The following UBR1 variants were observed in gnomAD, a reference collection of about 807,000 sequenced individuals.
The protein encoded by UBR1 is E3 ubiquitin-protein ligase UBR1.
A neutral mutation model predicts 242.1 loss-of-function variants in UBR1; 102 were observed. That is an observed-to-expected ratio of 0.42 (90% CI 0.36 to 0.50). The LOEUF (loss-of-function observed/expected upper bound fraction) is 0.50. Ranked by LOEUF, UBR1 falls within the 20% of genes least tolerant of loss-of-function variation. UBR1 has a pLI of 0.01. For synonymous variants in UBR1, 675 were observed against 684.8 expected, an observed-to-expected ratio of 0.99 and a Z score of 0.22; for missense variants, 1,772 against 2,101.8, an observed-to-expected ratio of 0.84 and a Z score of 3.07.
At chr15:42,985,989 CAAA>C (rs1230190123) in intron 35 of UBR1, among the ~76,000 whole-genome samples, 3 of 47,064 alleles carry the variant, frequency 6.4e-5, no homozygotes, top group Non-Finnish European at 1.3e-4. Flanking sequence ...GACCCTGTCT[CAAA>C]AAAAAAAAAA....
At chr15:43,083,223 ATAGTGGGTAC>A (rs1161983528) in intron 2 of UBR1, among the ~76,000 whole-genome samples, 1 of 152,246 alleles carries the variant, frequency 6.6e-6, no homozygotes, top group Admixed American at 6.5e-5. Flanking sequence ...TGCCTGGCAT[ATAGTGGGTAC>A]TTAATATTCA....
At chr15:42,986,691 A>G (rs2032464845) in intron 35 of UBR1, among the ~76,000 whole-genome samples, 1 of 152,224 alleles carries the variant, frequency 6.6e-6, no homozygotes, top group Admixed American at 6.5e-5. Flanking sequence ...CCATGATTTA[A>G]GTCTAACAGG....
chr15:43,047,083 G>C, intron 14 of UBR1, 78 bp downstream of exon 14: 2 of 1,526,176 alleles, frequency 1.3e-6, no homozygotes, highest in Non-Finnish European at 1.8e-6. Context: ...CATCAAGGAA[G>C]CTGCAACATA....
intron 29 of UBR1, among the ~76,000 whole-genome samples, chr15:43,014,787 TG>T (rs746375062): frequency 0.04 from 5,301 of 131,846 alleles, 115 homozygotes; most frequent in East Asian, 0.18. Context: ...GGGAGGGAGG[TG>T]GGGGGTCAGC....
chr15:43,037,713 A>G, intron 17 of UBR1, 60 bp downstream of exon 17: 2 of 1,455,650 alleles, frequency 1.4e-6, no homozygotes, highest in Non-Finnish European at 1.9e-6. Flanking sequence ...AAAATCATAT[A>G]AGAGAAAAAA....
At position 43,095,059 on chromosome 15, in the gene UBR1, T is replaced by C. The variant is rs191759577; in HGVS notation, c.82-8819A>G. On this transcript the variant is annotated intron_variant, in intron 1 of 46. Transcript: ENST00000290650. ...AGTATCTGGATAAGTAAAATCTGCT[T>C]TCATAAACTCTGAGGTATCTATTTC... Among the ~76,000 whole-genome samples the C allele has an allele frequency of 4.3e-4, 66 of 152,356 alleles. No homozygotes were observed. In the East Asian group the frequency reaches 0.012, roughly 27 times the overall value.
chr15:43,044,440 G>A (rs1364075462), intron 14 of UBR1, among the ~76,000 whole-genome samples: 1 of 152,164 alleles, frequency 6.6e-6, no homozygotes, highest in Non-Finnish European at 1.5e-5. Flanking sequence ...AGATAAGGAA[G>A]AATCAAATCT....
chr15:43,031,393 G>T (rs1336672359), intron 20 of UBR1, among the ~76,000 whole-genome samples: 3 of 152,112 alleles, frequency 2.0e-5, no homozygotes, highest in Admixed American at 6.5e-5. Context: ...AAGGACAAAT[G>T]CAAAAATTTC....
chr15:42,961,037 G>C (rs895838463), intron 42 of UBR1, among the ~76,000 whole-genome samples: 3 of 151,606 alleles, frequency 2.0e-5, no homozygotes. Context: ...TGGGATTACA[G>C]ACGTGAGCCA....
intron 39 of UBR1, among the ~76,000 whole-genome samples, chr15:42,973,590 G>A (rs950384923): frequency 7.6e-5 from 11 of 144,192 alleles, no homozygotes; most frequent in South Asian, 4.8e-4. Flanking sequence ...CACAGCACCC[G>A]GCCTCATCGC....
chr15:43,031,259 GA>G (rs887292376), intron 20 of UBR1, among the ~76,000 whole-genome samples: 130 of 137,952 alleles, frequency 9.4e-4, no homozygotes, highest in African/African-American at 2.8e-3. Context: ...CAAATCACAA[GA>G]AAAAAAAAAC....
In UBR1 at chr15:43,092,449, A is replaced by G. The variant is rs563438284; in HGVS notation, c.82-6209T>C. ...AATCCCTGTATCCTATAGGCCTAGC[A>G]CAAGTACACAATAAAAGTTATCAGT... On this transcript the variant is annotated intron_variant, in intron 1 of 46. Transcript: ENST00000290650. 2.7e-4 allele frequency among the ~76,000 whole-genome samples: 41 copies of G among 152,382 alleles called. No individual in the cohort carries two copies. In the East Asian group the frequency reaches 7.5e-3, roughly 28 times the overall value.
intron 10 of UBR1, among the ~76,000 whole-genome samples, chr15:43,056,688 A>G (rs1596122573): frequency 6.6e-6 from 1 of 152,318 alleles, no homozygotes; most frequent in East Asian, 1.9e-4. Flanking sequence ...TAAAATATAC[A>G]CATAGGTTAA....
intron 14 of UBR1, among the ~76,000 whole-genome samples, chr15:43,046,593 T>C (rs556982995): frequency 2.0e-5 from 3 of 152,218 alleles, no homozygotes; most frequent in African/African-American, 4.8e-5. Flanking sequence ...ACTTAGTCAC[T>C]GAATAGGTTA....
intron 1 of UBR1, among the ~76,000 whole-genome samples, chr15:43,097,090 G>C (rs1275231294): frequency 6.6e-6 from 1 of 152,122 alleles, no homozygotes; most frequent in East Asian, 1.9e-4. Context: ...GTTGAGAGTT[G>C]CAATTACTCC....
intron 4 of UBR1, among the ~76,000 whole-genome samples, chr15:43,072,808 T>C (rs2033839183): frequency 6.6e-6 from 1 of 152,238 alleles, no homozygotes; most frequent in African/African-American, 2.4e-5. Context: ...TTATATGGTG[T>C]ATTACATTGA....
At chr15:42,966,729 C>A (rs2032112391) in intron 40 of UBR1, among the ~76,000 whole-genome samples, 2 of 151,806 alleles carry the variant, frequency 1.3e-5, no homozygotes, top group Admixed American at 1.3e-4. Context: ...TTTAAATCTC[C>A]TAATAATTTC....
chr15:42,964,554 C>T (rs1036702568), intron 41 of UBR1, among the ~76,000 whole-genome samples: 2 of 152,090 alleles, frequency 1.3e-5, no homozygotes, highest in Non-Finnish European at 2.9e-5. Flanking sequence ...TAAATTGTAT[C>T]GAGTCACTCT....
intron 12 of UBR1, among the ~76,000 whole-genome samples, chr15:43,052,849 T>C (rs4274403): frequency 0.24 from 36,585 of 152,080 alleles, 5,245 homozygotes; most frequent in African/African-American, 0.4. Flanking sequence ...CCTGTGAGGC[T>C]ACATGACATA....
Sources: gnomAD v4.1 joint callset for allele counts (sites outside exome capture counted in the v4.1 genomes callset) on GRCh38, gnomAD v4.1.1 for gene constraint, MANE v1.5 for transcripts, NCBI Gene and HGNC (gene_info 2026-07-23, HGNC 2026-07-21) for gene names.